EXOC6: variants seen among roughly 807,000 people sequenced by gnomAD.
EXOC6 encodes the protein exocyst complex component 6.
In EXOC6, 60 loss-of-function variants were observed where a neutral mutation model predicts 112.5. The observed-to-expected ratio is 0.53, with a 90% CI of 0.43 to 0.66. The LOEUF is 0.66. Ranked by LOEUF, EXOC6 falls within the 30% of genes least tolerant of loss-of-function variation. EXOC6 has a pLI of 0.00. For synonymous variants in EXOC6, 295 were observed against 308.0 expected (o/e 0.96, Z 0.44); for missense variants, 855 against 957.1 (o/e 0.89, Z 1.41).
chr10:92,830,777 G>A (rs1484210656), upstream of EXOC6, among the ~76,000 whole-genome samples: 2 of 152,162 alleles, frequency 1.3e-5, no homozygotes, highest in African/African-American at 4.8e-5. Flanking sequence ...TCTCTTGTCA[G>A]TGGTCAGACT....
intron 1 of EXOC6, among the ~76,000 whole-genome samples, chr10:92,843,404 C>G (rs1846929429): frequency 6.6e-6 from 1 of 152,242 alleles, no homozygotes; most frequent in African/African-American, 2.4e-5. Flanking sequence ...ACTGCCTGTA[C>G]TTTACATTTT....
At chr10:92,957,900 A>T (rs1361004351) in intron 17 of EXOC6, among the ~76,000 whole-genome samples, 2 of 152,140 alleles carry the variant, frequency 1.3e-5, no homozygotes, top group African/African-American at 4.8e-5. Context: ...TAGACATTTG[A>T]TTGGATTATA....
chr10:92,991,435 CAAA>C (rs1449664701), intron 18 of EXOC6, among the ~76,000 whole-genome samples: 1 of 48,838 alleles, frequency 2.0e-5, no homozygotes, highest in Non-Finnish European at 4.7e-5. Context: ...GACTCCATCT[CAAA>C]AAAAAAAAAA....
chr10:92,927,208 T>C (rs190985487), intron 8 of EXOC6, among the ~76,000 whole-genome samples: 1 of 152,334 alleles, frequency 6.6e-6, no homozygotes, highest in East Asian at 1.9e-4. Flanking sequence ...CCTGTAGTTT[T>C]TTTCTTTTGA....
At chr10:92,857,784 T>TGA (rs1355295994) in intron 1 of EXOC6, among the ~76,000 whole-genome samples, 3 of 151,512 alleles carry the variant, frequency 2.0e-5, no homozygotes, top group African/African-American at 7.3e-5. Flanking sequence ...GTGTTCTTTG[T>TGA]GTGTGTCTGT....
chr10:92,877,669 G>C (rs985796630), intron 1 of EXOC6, among the ~76,000 whole-genome samples: 1 of 152,174 alleles, frequency 6.6e-6, no homozygotes, highest in African/African-American at 2.4e-5. Flanking sequence ...GAAGTGGACT[G>C]TGTAGTCAGG....
upstream of EXOC6, among the ~76,000 whole-genome samples, chr10:92,832,638 G>A (rs2133565033): frequency 6.6e-6 from 1 of 151,886 alleles, no homozygotes; most frequent in Middle Eastern, 3.4e-3. Context: ...TAGACATTCT[G>A]CACACATATA....
upstream of EXOC6, among the ~76,000 whole-genome samples, chr10:92,843,976 C>CAAAAAAA (rs34641974): frequency 2.6e-5 from 1 of 37,912 alleles, no homozygotes; most frequent in Non-Finnish European, 4.4e-5. Flanking sequence ...GACTCTGTCT[C>CAAAAAAA]AAAAAAAAAA....
rs67242778 is a variant in EXOC6 at position 92,988,800 on chromosome 10, T to TACACACACAC, written c.1954-8643_1954-8634dup. ...GACAAAACCCCATCTCTACAAAAAA[T>TACACACACAC]ACACACACACACACACACACACACA... On this transcript the variant is annotated intron_variant, in intron 18 of 21. Coordinates refer to ENST00000260762, the MANE Select transcript of EXOC6 (RefSeq NM_019053.6). Among the ~76,000 whole-genome samples the TACACACACAC allele has an allele frequency of 5.0e-3, 715 of 143,074 alleles. 5 individuals are homozygous for TACACACACAC. The highest frequency in any genetic ancestry group is 0.015 in the East Asian group (68 of 4,604). 93.9% of individuals were successfully genotyped at this position (143,074 alleles called of 152,430 possible).
At chr10:92,885,602 C>T (rs1162154276) in intron 1 of EXOC6, among the ~76,000 whole-genome samples, 1 of 152,114 alleles carries the variant, frequency 6.6e-6, no homozygotes, top group African/African-American at 2.4e-5. Context: ...TGGTCTGGAA[C>T]TCCTGACCTT....
chr10:92,904,027 G>A (rs1850314611), intron 5 of EXOC6, among the ~76,000 whole-genome samples: 1 of 151,996 alleles, frequency 6.6e-6, no homozygotes, highest in African/African-American at 2.4e-5. Context: ...ATCTTTTCCA[G>A]AATGTCAGAT....
intron 12 of EXOC6, among the ~76,000 whole-genome samples, chr10:92,936,295 C>T (rs1852334282): frequency 6.6e-6 from 1 of 152,218 alleles, no homozygotes; most frequent in African/African-American, 2.4e-5. Flanking sequence ...TGTATGCCTG[C>T]AGGTTCTTTA....
chr10:92,967,275 A>G (rs2134063046), intron 17 of EXOC6, among the ~76,000 whole-genome samples: 1 of 152,262 alleles, frequency 6.6e-6, no homozygotes, highest in South Asian at 2.1e-4. Flanking sequence ...TTTGCTGTGC[A>G]GAAGCTTTTT....
intron 20 of EXOC6, among the ~76,000 whole-genome samples, chr10:93,040,819 G>A (rs541105978): frequency 1.3e-5 from 2 of 152,034 alleles, no homozygotes; most frequent in Non-Finnish European, 2.9e-5. Flanking sequence ...AAATTCTCTC[G>A]TCTTCTGAGT....
At chr10:92,942,664 G>C (rs1160131495) in intron 13 of EXOC6, among the ~76,000 whole-genome samples, 1 of 152,080 alleles carries the variant, frequency 6.6e-6, no homozygotes, top group Non-Finnish European at 1.5e-5. Flanking sequence ...TGTATAATAT[G>C]ATGTAATATG....
chr10:92,925,750 C>T (rs1851677050), intron 8 of EXOC6, among the ~76,000 whole-genome samples: 1 of 152,018 alleles, frequency 6.6e-6, no homozygotes, highest in Non-Finnish European at 1.5e-5. Context: ...GCTTTGAATT[C>T]CTGGGTTCAA....
intron 20 of EXOC6, among the ~76,000 whole-genome samples, chr10:93,043,072 A>G (rs535063341): frequency 6.6e-6 from 1 of 152,060 alleles, no homozygotes; most frequent in Non-Finnish European, 1.5e-5. Context: ...AGTAGCTGGG[A>G]TTACAGGTGC....
intron 1 of EXOC6, among the ~76,000 whole-genome samples, chr10:92,860,048 A>G (rs1257552343): frequency 6.6e-6 from 1 of 151,990 alleles, no homozygotes; most frequent in Non-Finnish European, 1.5e-5. Context: ...GGAATAAGTG[A>G]CAGAATGTTT....
At chr10:92,991,126 C>CT (rs34279554) in intron 18 of EXOC6, among the ~76,000 whole-genome samples, 1,840 of 145,030 alleles carry the variant, frequency 0.013, 36 homozygotes, top group African/African-American at 0.043. Flanking sequence ...ATTCTGGCAA[C>CT]TTTTTTTTTT....
Sources: gnomAD v4.1 joint callset for allele counts (sites outside exome capture counted in the v4.1 genomes callset) on GRCh38, gnomAD v4.1.1 for gene constraint, MANE v1.5 for transcripts, NCBI Gene and HGNC (gene_info 2026-07-23, HGNC 2026-07-21) for gene names.